The following DLGAP1 variants were observed in gnomAD, a reference collection of about 807,000 sequenced individuals.
The protein encoded by DLGAP1 is DLG associated protein 1.
DLGAP1 carries 11 observed loss-of-function variants against 90.8 expected under a neutral mutation model. That is an observed-to-expected ratio of 0.12 (90% CI 0.08 to 0.20). The LOEUF (loss-of-function observed/expected upper bound fraction) is 0.20. DLGAP1 is among the 10% of genes least tolerant of loss of function. The pLI is 1.00. For missense variants in DLGAP1, 1,050 were observed against 1,333.8 expected, an observed-to-expected ratio of 0.79 and a Z score of 3.31; for synonymous variants, 558 against 540.7, an observed-to-expected ratio of 1.03 and a Z score of -0.44.
intron 1 of DLGAP1, among the ~76,000 whole-genome samples, chr18:4,450,369 T>G (rs2083789989): frequency 6.6e-6 from 1 of 152,192 alleles, no homozygotes; most frequent in African/African-American, 2.4e-5. Context: ...TCAGATGTTC[T>G]CCAGTAGTAG....
intron 7 of DLGAP1, among the ~76,000 whole-genome samples, chr18:3,703,206 C>G (rs868395575): frequency 2.6e-5 from 4 of 152,108 alleles, no homozygotes; most frequent in Non-Finnish European, 5.9e-5. Context: ...TCAGGATCAC[C>G]GGATATAGCT....
intron 5 of DLGAP1, among the ~76,000 whole-genome samples, chr18:3,772,376 CTTTCTTTCTT>C (rs879848376): frequency 0.15 from 3,177 of 20,808 alleles, 334 homozygotes; most frequent in Admixed American, 0.33. Context: ...TTCTTTCTTT[CTTTCTTTCTT>C]TCTTTCTTTC....
At chr18:4,265,880 G>T (rs545631368) in intron 1 of DLGAP1, among the ~76,000 whole-genome samples, 64 of 151,558 alleles carry the variant, frequency 4.2e-4, no homozygotes, top group African/African-American at 1.5e-3. Flanking sequence ...GAGAGATAGG[G>T]TTTCCCTATG....
chr18:3,997,917 T>C (rs1276029677), intron 3 of DLGAP1, among the ~76,000 whole-genome samples: 1 of 152,090 alleles, frequency 6.6e-6, no homozygotes, highest in Non-Finnish European at 1.5e-5. Flanking sequence ...ATTTGGCCTA[T>C]CCACATTTCA....
chr18:4,013,126 T>C (rs1034514618), intron 2 of DLGAP1, among the ~76,000 whole-genome samples: 23 of 152,240 alleles, frequency 1.5e-4, no homozygotes, highest in Admixed American at 2.6e-4. Flanking sequence ...TCTGTTTCCA[T>C]TGGGGTCATT....
At chr18:4,021,905 G>A (rs1196178923) in intron 2 of DLGAP1, among the ~76,000 whole-genome samples, 1 of 152,096 alleles carries the variant, frequency 6.6e-6, no homozygotes, top group Non-Finnish European at 1.5e-5. Context: ...AGCCTCTCAG[G>A]TATTTCTTTA....
intron 1 of DLGAP1, among the ~76,000 whole-genome samples, chr18:4,234,638 A>G (rs1473632): frequency 0.48 from 73,055 of 151,956 alleles, 18,909 homozygotes; most frequent in East Asian, 0.84. Context: ...TAAAAACAAT[A>G]ACACTTCTTT....
At position 3,621,544 on chromosome 18, in the gene DLGAP1, G is replaced by T. The variant is rs1255611947; in HGVS notation, c.1592-39296C>A. Among the ~76,000 whole-genome samples, 3 of 152,154 alleles carry T rather than the reference G, an allele frequency of 2.0e-5. No homozygotes were observed. The East Asian group carries it at 5.8e-4, about 29-fold the overall frequency. ...CAATCAGAGAGTTTTGGCCAAAGGG[G>T]GCCAACTGTTCAAACCGTGTTCAAA... On this transcript the variant is annotated intron_variant, in intron 7 of 12. Coordinates refer to ENST00000315677, the MANE Select transcript of DLGAP1 (RefSeq NM_004746.4).
intron 10 of DLGAP1, among the ~76,000 whole-genome samples, chr18:3,519,731 A>G (rs1436834316): frequency 5.9e-5 from 9 of 152,180 alleles, no homozygotes; most frequent in Admixed American, 5.9e-4. Flanking sequence ...CCCTACTGCC[A>G]TGCAAGGACA....
At chr18:4,162,147 G>A (rs781134955) in intron 1 of DLGAP1, among the ~76,000 whole-genome samples, 1 of 152,154 alleles carries the variant, frequency 6.6e-6, no homozygotes, top group Non-Finnish European at 1.5e-5. Flanking sequence ...TTACATCCTG[G>A]CATTGTAATG....
chr18:4,422,865 G>T (rs2083071104), intron 1 of DLGAP1, among the ~76,000 whole-genome samples: 1 of 152,014 alleles, frequency 6.6e-6, no homozygotes, highest in African/African-American at 2.4e-5. Context: ...AGCCAATTAT[G>T]CATGCCTGGT....
chr18:4,280,454 G>A (rs189691842), intron 1 of DLGAP1, among the ~76,000 whole-genome samples: 4 of 152,264 alleles, frequency 2.6e-5, no homozygotes, highest in Admixed American at 2.6e-4. Flanking sequence ...AACTAGTATA[G>A]TGCTGAGTAT....
intron 7 of DLGAP1, among the ~76,000 whole-genome samples, chr18:3,601,673 T>C (rs1221615371): frequency 3.1e-4 from 47 of 151,848 alleles, no homozygotes; most frequent in Non-Finnish European, 2.9e-5. Flanking sequence ...TGAAACCCTG[T>C]CTCTACCAAA....
chr18:3,709,805 T>C (rs2061546753), intron 7 of DLGAP1, among the ~76,000 whole-genome samples: 1 of 152,134 alleles, frequency 6.6e-6, no homozygotes, highest in Non-Finnish European at 1.5e-5. Context: ...CAATAATACT[T>C]GATATTCCTC....
intron 1 of DLGAP1, among the ~76,000 whole-genome samples, chr18:4,214,032 T>C (rs933536649): frequency 1.3e-5 from 2 of 152,024 alleles, no homozygotes; most frequent in Admixed American, 6.6e-5. Flanking sequence ...TGAGGAGTCA[T>C]CGCTACAGAA....
intron 1 of DLGAP1, among the ~76,000 whole-genome samples, chr18:4,203,026 A>T (rs1437840945): frequency 6.6e-6 from 1 of 152,170 alleles, no homozygotes; most frequent in East Asian, 1.9e-4. Context: ...CTGTAATCCT[A>T]GCACTTTGGG....
At chr18:3,637,301 C>T (rs570798161) in intron 7 of DLGAP1, among the ~76,000 whole-genome samples, 2 of 152,162 alleles carry the variant, frequency 1.3e-5, no homozygotes, top group African/African-American at 2.4e-5. Context: ...TAAAATGATA[C>T]GTGCAAATCC....
chr18:4,407,728 A>G (rs1479382759), intron 1 of DLGAP1, among the ~76,000 whole-genome samples: 1 of 151,986 alleles, frequency 6.6e-6, no homozygotes, highest in African/African-American at 2.4e-5. Context: ...AAAACACACA[A>G]AAAAATTAGC....
At chr18:3,752,341 G>A (rs962967049) in intron 5 of DLGAP1, among the ~76,000 whole-genome samples, 2 of 151,800 alleles carry the variant, frequency 1.3e-5, no homozygotes, top group Admixed American at 1.3e-4. Context: ...CCAATCTTAT[G>A]CCCATTATAG....
Sources: gnomAD v4.1 joint callset for allele counts (sites outside exome capture counted in the v4.1 genomes callset) on GRCh38, gnomAD v4.1.1 for gene constraint, MANE v1.5 for transcripts, NCBI Gene and HGNC (gene_info 2026-07-23, HGNC 2026-07-21) for gene names.